TBC1D19: variants seen among roughly 807,000 people sequenced by gnomAD.
TBC1D19 encodes the protein TBC1 domain family member 19, also known as TBC1 domain family, member 19.
In TBC1D19, 60 loss-of-function variants were observed where a neutral mutation model predicts 89.0. The observed-to-expected ratio is 0.67, with a 90% CI of 0.55 to 0.84. The LOEUF (loss-of-function observed/expected upper bound fraction) is 0.84, where lower values mean the gene tolerates loss of function less well. TBC1D19 is among the 40% of genes least tolerant of loss of function. The pLI is 0.00. For missense variants in TBC1D19, 500 were observed against 610.8 expected, an observed-to-expected ratio of 0.82 and a Z score of 1.91; for synonymous variants, 189 against 199.7, an observed-to-expected ratio of 0.95 and a Z score of 0.45.
the TBC1D19 span, among the ~76,000 whole-genome samples, chr4:26,818,218 A>G: frequency 2.0e-5 from 3 of 151,800 alleles, no homozygotes; most frequent in Admixed American, 6.6e-5. Context: ...TTCAATTTTT[A>G]TTTTTATTTA....
intron 8 of TBC1D19, among the ~76,000 whole-genome samples, chr4:26,662,557 T>G (rs1036720767): frequency 5.9e-5 from 9 of 152,156 alleles, no homozygotes; most frequent in Non-Finnish European, 1.2e-4. Flanking sequence ...AAGATGTGGC[T>G]GTCCAGTGAA....
chr4:26,633,336 A>T (rs1439421589), intron 4 of TBC1D19, among the ~76,000 whole-genome samples: 2 of 152,156 alleles, frequency 1.3e-5, no homozygotes, highest in Non-Finnish European at 2.9e-5. Flanking sequence ...TTTGAGGGTA[A>T]GTAGACCAAT....
the TBC1D19 span, among the ~76,000 whole-genome samples, chr4:26,851,311 A>ATCTGTCTGTCTGTCTGTCTG: frequency 5.2e-5 from 6 of 114,790 alleles, no homozygotes; most frequent in African/African-American, 1.8e-4. Context: ...TACCCTATCT[A>ATCTGTCTGTCTGTCTGTCTG]TCTATCTATC....
intron 15 of TBC1D19, among the ~76,000 whole-genome samples, chr4:26,725,475 G>A (rs559422915): frequency 1.9e-3 from 293 of 152,000 alleles, no homozygotes; most frequent in African/African-American, 6.6e-3. Context: ...GCAGTGGGCC[G>A]ATAATGAACT....
intron 9 of TBC1D19, among the ~76,000 whole-genome samples, chr4:26,668,721 T>C (rs1248746476): frequency 2.0e-5 from 3 of 151,968 alleles, no homozygotes; most frequent in African/African-American, 4.8e-5. Flanking sequence ...GCAAGTTTTT[T>C]ATATTCAGAA....
intron 16 of TBC1D19, among the ~76,000 whole-genome samples, chr4:26,737,498 A>G (rs1718118277): frequency 6.6e-6 from 1 of 152,174 alleles, no homozygotes; most frequent in South Asian, 2.1e-4. Flanking sequence ...TAAATCTTCT[A>G]GCAAGATCTT....
At chr4:26,800,779 G>A in the TBC1D19 span, among the ~76,000 whole-genome samples, 2 of 152,146 alleles carry the variant, frequency 1.3e-5, no homozygotes, top group Non-Finnish European at 2.9e-5. Flanking sequence ...TTTTTTTCAT[G>A]TGTTTTTTGG....
intron 1 of TBC1D19, among the ~76,000 whole-genome samples, chr4:26,606,065 T>A (rs989120843): frequency 6.6e-6 from 1 of 152,174 alleles, no homozygotes; most frequent in African/African-American, 2.4e-5. Context: ...CCCAGGTTGG[T>A]CTCAAAGTCC....
the TBC1D19 span, among the ~76,000 whole-genome samples, chr4:26,768,210 G>A: frequency 1.3e-5 from 2 of 152,116 alleles, no homozygotes; most frequent in Non-Finnish European, 2.9e-5. Context: ...AGGAAGAGTG[G>A]CTATTCCTAC....
downstream of TBC1D19, among the ~76,000 whole-genome samples, chr4:26,758,379 C>T (rs1331225198): frequency 6.6e-6 from 1 of 152,126 alleles, no homozygotes; most frequent in Admixed American, 6.6e-5. Flanking sequence ...TCCTTTGTAT[C>T]TAGTCTTCCT....
At chr4:26,601,561 G>A (rs758569960) in intron 1 of TBC1D19, among the ~76,000 whole-genome samples, 1 of 152,230 alleles carries the variant, frequency 6.6e-6, no homozygotes, top group Non-Finnish European at 1.5e-5. Context: ...TGTAGGAACA[G>A]TAAGAAGGCT....
At chr4:26,712,780 A>G (rs1326702948) in intron 13 of TBC1D19, among the ~76,000 whole-genome samples, 1 of 152,068 alleles carries the variant, frequency 6.6e-6, no homozygotes, top group African/African-American at 2.4e-5. Flanking sequence ...GAGACCAAAC[A>G]TGAGAAGGAG....
intron 7 of TBC1D19, among the ~76,000 whole-genome samples, chr4:26,658,107 A>C (rs1056996986): frequency 6.6e-6 from 1 of 152,046 alleles, no homozygotes; most frequent in Admixed American, 6.6e-5. Context: ...CCATTTGTCA[A>C]TTTTGGCTTT....
chr4:26,597,629 G>T (rs1327857712), intron 1 of TBC1D19, among the ~76,000 whole-genome samples: 4 of 150,954 alleles, frequency 2.6e-5, no homozygotes, highest in African/African-American at 9.7e-5. Flanking sequence ...CTCCCAAAGT[G>T]CTGGGATTGC....
chr4:26,614,763 C>T (rs1018204699), intron 3 of TBC1D19, among the ~76,000 whole-genome samples: 1 of 151,954 alleles, frequency 6.6e-6, no homozygotes, highest in African/African-American at 2.4e-5. Context: ...CTGAAACCTC[C>T]GCCTCCCAGG....
chr4:26,842,624 CT>C, the TBC1D19 span, among the ~76,000 whole-genome samples: 4 of 126,488 alleles, frequency 3.2e-5, 1 homozygote, highest in African/African-American at 1.2e-4. Flanking sequence ...TTCTTTCTTT[CT>C]TTCTTTCTTT....
intron 18 of TBC1D19, among the ~76,000 whole-genome samples, chr4:26,743,332 T>C (rs1463554599): frequency 6.6e-6 from 1 of 152,122 alleles, no homozygotes; most frequent in Non-Finnish European, 1.5e-5. Flanking sequence ...TAGAATAGTA[T>C]AGCATTTGTC....
At chr4:26,598,996 C>T (rs895905630) in intron 1 of TBC1D19, among the ~76,000 whole-genome samples, 5 of 151,630 alleles carry the variant, frequency 3.3e-5, no homozygotes, top group East Asian at 1.9e-4. Flanking sequence ...AGGAGTCTGG[C>T]GATGATTACA....
the TBC1D19 span, among the ~76,000 whole-genome samples, chr4:26,857,117 C>A: frequency 1.3e-5 from 2 of 152,222 alleles, no homozygotes; most frequent in African/African-American, 4.8e-5. Context: ...GTTACTTCCA[C>A]GGTGTCACTT....
Sources: gnomAD v4.1 joint callset for allele counts (sites outside exome capture counted in the v4.1 genomes callset) on GRCh38, gnomAD v4.1.1 for gene constraint, MANE v1.5 for transcripts, NCBI Gene and HGNC (gene_info 2026-07-23, HGNC 2026-07-21) for gene names.